Variants in LRRC7 observed in about 807,000 individuals in gnomAD.
LRRC7 encodes leucine rich repeat containing 7.
In LRRC7, 23 loss-of-function variants were observed where a neutral mutation model predicts 175.7. The observed-to-expected ratio is 0.13, with a 90% CI of 0.09 to 0.19. The LOEUF (loss-of-function observed/expected upper bound fraction) is 0.19, where lower values mean the gene tolerates loss of function less well. Among genes scored for constraint, LRRC7 ranks in the 10% least tolerant of loss-of-function variants. LRRC7 has a pLI of 1.00. For missense variants in LRRC7, 1,354 were observed against 1,904.7 expected, an observed-to-expected ratio of 0.71 and a Z score of 5.38; for synonymous variants, 685 against 680.9, an observed-to-expected ratio of 1.01 and a Z score of -0.09.
chr1:69,964,954 A>T (rs571117250), intron 8 of LRRC7, among the ~76,000 whole-genome samples: 2 of 152,352 alleles, frequency 1.3e-5, no homozygotes, highest in Middle Eastern at 3.4e-3. Flanking sequence ...AAAACAAAAT[A>T]TTATAGCTCA....
intron 2 of LRRC7, among the ~76,000 whole-genome samples, chr1:69,710,293 A>AAAG (rs1553144272): frequency 2.0e-5 from 3 of 151,026 alleles, no homozygotes; most frequent in Admixed American, 1.3e-4. Context: ...AAAAAAAAAA[A>AAAG]AAAAAGAAAG....
rs1436394626 is a variant in LRRC7 at position 69,859,076 on chromosome 1, T to C, written c.647+20793T>C. The stretch of plus-strand genomic sequence containing the variant: ...CCCAGGTAACTGATCAGGAATTGAA[T>C]GTCACTATTCATAAACAGAAATAAA... On this transcript the variant is annotated intron_variant, in intron 7 of 26. Transcript: ENST00000651989. Among the ~76,000 whole-genome samples, 6 of 152,208 alleles carry C rather than the reference T, an allele frequency of 3.9e-5. No homozygotes were observed. The South Asian group carries it at 8.3e-4, about 21-fold the overall frequency.
At chr1:69,729,121 G>T (rs1441128069) in intron 2 of LRRC7, among the ~76,000 whole-genome samples, 1 of 152,142 alleles carries the variant, frequency 6.6e-6, no homozygotes, top group Non-Finnish European at 1.5e-5. Context: ...CCGCCCTCAT[G>T]ATTCCATTAC....
At chr1:69,586,391 C>G (rs1452336881) in intron 1 of LRRC7, among the ~76,000 whole-genome samples, 1 of 152,070 alleles carries the variant, frequency 6.6e-6, no homozygotes, top group Non-Finnish European at 1.5e-5. Flanking sequence ...GGGGGTGGGG[C>G]AGGGACAGAT....
intron 13 of LRRC7, chr1:70,013,967 A>T (rs1656746936): frequency 1.3e-5 from 2 of 152,042 alleles, no homozygotes; most frequent in South Asian, 4.1e-4. Context: ...GAAAAATGTG[A>T]ACTTCAAAAC....
chr1:69,956,776 CA>C (rs1321011143), intron 8 of LRRC7, among the ~76,000 whole-genome samples: 1 of 151,302 alleles, frequency 6.6e-6, no homozygotes, highest in African/African-American at 2.4e-5. Context: ...TAAAATAAAA[CA>C]AATATGAAAA....
At chr1:69,685,967 A>G (rs1661091370) in intron 2 of LRRC7, among the ~76,000 whole-genome samples, 3 of 152,132 alleles carry the variant, frequency 2.0e-5, no homozygotes, top group South Asian at 2.1e-4. Flanking sequence ...AAAGAAAAAT[A>G]TTTAAAACAG....
chr1:69,602,795 A>G (rs191180453), intron 1 of LRRC7, among the ~76,000 whole-genome samples: 52 of 152,320 alleles, frequency 3.4e-4, no homozygotes, highest in African/African-American at 1.0e-3. Flanking sequence ...AACTTATGGC[A>G]TACACAGCAG....
intron 11 of LRRC7, among the ~76,000 whole-genome samples, chr1:70,005,907 C>T (rs1230287172): frequency 1.3e-5 from 2 of 151,256 alleles, no homozygotes; most frequent in South Asian, 2.1e-4. Flanking sequence ...TAAAGTACTT[C>T]ACACATTCTT....
chr1:70,092,496 C>G (rs760750745), intron 25 of LRRC7, among the ~76,000 whole-genome samples: 12 of 152,104 alleles, frequency 7.9e-5, no homozygotes, highest in Non-Finnish European at 1.6e-4. Context: ...CCAAGAACAT[C>G]TGAATGTCTT....
At chr1:69,855,543 C>T (rs904579984) in intron 7 of LRRC7, among the ~76,000 whole-genome samples, 5 of 152,042 alleles carry the variant, frequency 3.3e-5, no homozygotes, top group African/African-American at 7.2e-5. Context: ...GCTTTACTTC[C>T]AACTATGTGG....
At chr1:69,677,740 C>T (rs924655668) in intron 1 of LRRC7, among the ~76,000 whole-genome samples, 1 of 151,888 alleles carries the variant, frequency 6.6e-6, no homozygotes, top group African/African-American at 2.4e-5. Context: ...ACTCTTTAGT[C>T]GATAGGTCTT....
intron 26 of LRRC7, among the ~76,000 whole-genome samples, chr1:70,116,409 T>C (rs1243052682): frequency 1.3e-5 from 2 of 151,980 alleles, no homozygotes; most frequent in East Asian, 3.9e-4. Flanking sequence ...TAGCCAGGCG[T>C]GGTGGCAGGC....
intron 7 of LRRC7, among the ~76,000 whole-genome samples, chr1:69,899,804 C>G (rs922207242): frequency 6.6e-6 from 1 of 152,120 alleles, no homozygotes; most frequent in African/African-American, 2.4e-5. Flanking sequence ...GCTCTTCGGC[C>G]GTATGAGGAC....
intron 7 of LRRC7, among the ~76,000 whole-genome samples, chr1:69,901,716 C>A (rs1456328685): frequency 6.6e-6 from 1 of 152,060 alleles, no homozygotes; most frequent in Non-Finnish European, 1.5e-5. Context: ...TTGCAGAGAA[C>A]TTTATTAAAA....
chr1:69,603,629 A>G (rs555162892), intron 1 of LRRC7, among the ~76,000 whole-genome samples: 2 of 152,294 alleles, frequency 1.3e-5, no homozygotes, highest in African/African-American at 4.8e-5. Flanking sequence ...CAGAAAACTA[A>G]TAGAAATGTA....
At chr1:70,114,437 G>A (rs1246743888) in intron 26 of LRRC7, among the ~76,000 whole-genome samples, 1 of 152,104 alleles carries the variant, frequency 6.6e-6, no homozygotes, top group African/African-American at 2.4e-5. Context: ...GCAGAGGCAG[G>A]AGGATTGCTT....
At chr1:69,595,775 G>A (rs1255224010) in intron 1 of LRRC7, among the ~76,000 whole-genome samples, 3 of 151,844 alleles carry the variant, frequency 2.0e-5, no homozygotes, top group Admixed American at 6.6e-5. Flanking sequence ...AATATATTAC[G>A]GTGTATTACA....
intron 10 of LRRC7, among the ~76,000 whole-genome samples, chr1:69,993,427 G>A (rs1654628443): frequency 6.6e-6 from 1 of 152,134 alleles, no homozygotes; most frequent in Non-Finnish European, 1.5e-5. Flanking sequence ...CTTACTCTAT[G>A]CCTGTTAGGA....
Sources: allele counts gnomAD v4.1 joint callset (sites outside exome capture counted in the v4.1 genomes callset), GRCh38; gene constraint gnomAD v4.1.1; transcripts MANE v1.5; gene names NCBI Gene and HGNC (gene_info 2026-07-23, HGNC 2026-07-21).